Variants in TYW1B observed in about 807,000 individuals in gnomAD.
The protein encoded by TYW1B is tRNA-yW synthesizing protein 1 homolog B.
TYW1B carries 73 observed loss-of-function variants against 86.9 expected under a neutral mutation model. That is an observed-to-expected ratio of 0.84 (90% CI 0.70 to 1.02). TYW1B has a LOEUF of 1.02. Ranked by LOEUF, TYW1B falls within the 50% of genes least tolerant of loss-of-function variation. TYW1B has a pLI of 0.00. For missense variants in TYW1B, 637 were observed against 827.4 expected (o/e 0.77, Z 2.82); for synonymous variants, 248 against 292.8 (o/e 0.85, Z 1.56).
At chr7:72,724,476 GTAAA>G (rs1307253535) in intron 9 of TYW1B, among the ~76,000 whole-genome samples, 4 of 152,122 alleles carry the variant, frequency 2.6e-5, no homozygotes, top group Non-Finnish European at 5.9e-5. Context: ...CTGTCTCCAA[GTAAA>G]TAAATAAAGT....
chr7:72,682,550 T>C (rs539128639), intron 11 of TYW1B, among the ~76,000 whole-genome samples: 2 of 152,314 alleles, frequency 1.3e-5, no homozygotes, highest in South Asian at 2.1e-4. Context: ...AGCCTTATAC[T>C]ATCAGATTTT....
intron 10 of TYW1B, among the ~76,000 whole-genome samples, chr7:72,695,965 T>C (rs1239526860): frequency 3.3e-5 from 5 of 149,838 alleles, no homozygotes; most frequent in African/African-American, 9.8e-5. Context: ...TTTTTTTTTT[T>C]TGAGATGGAG....
At chr7:72,629,328 G>C (rs1812428472) in intron 11 of TYW1B, among the ~76,000 whole-genome samples, 1 of 152,152 alleles carries the variant, frequency 6.6e-6, no homozygotes, top group Non-Finnish European at 1.5e-5. Flanking sequence ...AACAGTGTTA[G>C]GCCATAAAAA....
intron 7 of TYW1B, among the ~76,000 whole-genome samples, chr7:72,757,370 GA>G (rs35310114): frequency 3.4e-4 from 44 of 129,836 alleles, no homozygotes; most frequent in Middle Eastern, 3.9e-3. Context: ...TCCGTCTATG[GA>G]AAAAAAAAAA....
At chr7:72,606,245 G>T (rs1554434826) in intron 13 of TYW1B, among the ~76,000 whole-genome samples, 1 of 151,964 alleles carries the variant, frequency 6.6e-6, no homozygotes, top group East Asian at 1.9e-4. Flanking sequence ...AGGACAGCAG[G>T]AACAGGGCAG....
At chr7:72,606,153 C>T (rs532277152) in intron 13 of TYW1B, among the ~76,000 whole-genome samples, 7 of 152,054 alleles carry the variant, frequency 4.6e-5, no homozygotes, top group East Asian at 1.9e-4. Context: ...ATCCTGGACT[C>T]GGCTGCAAGC....
chr7:72,612,679 C>A lies in TYW1B; in HGVS notation c.1785+3993G>T, dbSNP rs1181846322. On this transcript the variant is annotated intron_variant, in intron 13 of 13. Coordinates refer to ENST00000620995, the MANE Select transcript of TYW1B (RefSeq NM_001145440.3). ...ACACGTCGCCAACACAGTATTCCAT[C>A]TGAGGACGTACAACCTCAATCTAGC... Among the ~76,000 whole-genome samples, 7 of 152,160 alleles carry A rather than the reference C, an allele frequency of 4.6e-5. No individual in the cohort carries two copies. The South Asian group carries it at 1.5e-3, about 32-fold the overall frequency.
chr7:72,795,504 T>C (rs1330235069), intron 6 of TYW1B, among the ~76,000 whole-genome samples: 1 of 150,966 alleles, frequency 6.6e-6, no homozygotes, highest in Admixed American at 6.6e-5. Flanking sequence ...TAAACATTTT[T>C]TGACGCGAAA....
rs1263828980 is a variant in TYW1B, at chr7:72,575,414, G to A, written c.*84C>T. ...TATGAAAGTATAATTTACGTAATTC[G>A]TCCTTGGAGAATCAGAGTGGTGTTC... is the stretch of plus-strand genomic sequence containing the variant. On this transcript the variant is annotated 3_prime_UTR_variant, in exon 14 of 14. Transcript: ENST00000620995. 5.3e-5 allele frequency: 82 copies of A among 1,537,082 alleles called. No homozygotes were observed. The highest frequency in any genetic ancestry group is 3.5e-4 in the Middle Eastern group (2 of 5,750).
Position 72,669,146 on chromosome 7 carries a change from T to A in TYW1B, c.1506+25541A>T, listed in dbSNP as rs1383359094. Among the ~76,000 whole-genome samples the A allele has an allele frequency of 5.0e-5, 7 of 141,066 alleles. No individual in the cohort carries two copies. The East Asian group carries it at 1.0e-3, about 21-fold the overall frequency. The allele number at this position is 141,066 out of a possible 152,430, so 92.5% of individuals were successfully genotyped here. On this transcript the variant is annotated intron_variant, in intron 11 of 13. Transcript: ENST00000620995. ...ATTTAATTTTAAACTTTTTTTTTTT[T>A]TTTTTTTTTTTTTTGAGATGGAGTT...
At chr7:72,679,659 T>C (rs1813821540) in intron 11 of TYW1B, among the ~76,000 whole-genome samples, 1 of 152,162 alleles carries the variant, frequency 6.6e-6, no homozygotes, top group Non-Finnish European at 1.5e-5. Context: ...ATGATACCAC[T>C]GAACTGAATA....
At chr7:72,749,823 G>T (rs1171926213) in intron 7 of TYW1B, among the ~76,000 whole-genome samples, 3 of 145,540 alleles carry the variant, frequency 2.1e-5, no homozygotes, top group Non-Finnish European at 4.5e-5. Context: ...AGAATTTAAT[G>T]TTGTAAATTT....
rs371825575 is a variant in TYW1B at position 72,776,367 on chromosome 7, T to C, written c.964+1049A>G. On this transcript the variant is annotated intron_variant, in intron 7 of 13. Coordinates refer to ENST00000620995, the MANE Select transcript of TYW1B (RefSeq NM_001145440.3). ...TGGGAGGCTGAGGTGGCAGATCACT[T>C]GAGGCCAGGAGTTCAAGACCAGCAT... 5.4e-4 allele frequency among the ~76,000 whole-genome samples: 82 copies of C among 151,900 alleles called. 1 individual carries two copies. In the East Asian group the frequency reaches 0.014, roughly 26 times the overall value.
chr7:72,794,105 C>T (rs1483319297), intron 6 of TYW1B, among the ~76,000 whole-genome samples: 1 of 152,162 alleles, frequency 6.6e-6, no homozygotes, highest in Non-Finnish European at 1.5e-5. Context: ...CCTGTCCCCT[C>T]CAAATAAAGA....
chr7:72,818,668 T>C (rs60074802), intron 2 of TYW1B, among the ~76,000 whole-genome samples: 1,923 of 151,664 alleles, frequency 0.013, 40 homozygotes, highest in African/African-American at 0.044. Context: ...CTCACAGTTC[T>C]GCAGACTGTA....
chr7:72,587,159 T>C (rs1811295780), intron 13 of TYW1B, among the ~76,000 whole-genome samples: 1 of 151,996 alleles, frequency 6.6e-6, no homozygotes, highest in African/African-American at 2.4e-5. Context: ...TCAAAATTAA[T>C]GTTAACTGCG....
intron 11 of TYW1B, 62 bp from the exon 12 acceptor site, chr7:72,629,059 G>C (rs1260594844): frequency 3.3e-6 from 5 of 1,499,996 alleles, no homozygotes; most frequent in East Asian, 5.0e-5. Flanking sequence ...TTAACCTAGA[G>C]GGTTTCTCAA....
At chr7:72,771,919 T>A (rs1787875288) in intron 7 of TYW1B, among the ~76,000 whole-genome samples, 1 of 151,850 alleles carries the variant, frequency 6.6e-6, no homozygotes, top group South Asian at 2.1e-4. Flanking sequence ...TGATCTCAGC[T>A]CACTGCAACC....
chr7:72,794,775 A>G (rs1416049758), intron 6 of TYW1B, among the ~76,000 whole-genome samples: 1 of 151,930 alleles, frequency 6.6e-6, no homozygotes, highest in East Asian at 1.9e-4. Flanking sequence ...GTGAGCACAA[A>G]GACCTCTATG....
Sources: gnomAD v4.1 joint callset for allele counts (sites outside exome capture counted in the v4.1 genomes callset) on GRCh38, gnomAD v4.1.1 for gene constraint, MANE v1.5 for transcripts, NCBI Gene and HGNC (gene_info 2026-07-23, HGNC 2026-07-21) for gene names.